The following ZFPM2 variants were observed in gnomAD, a reference collection of about 807,000 sequenced individuals.
ZFPM2 encodes zinc finger protein, FOG family member 2.
ZFPM2 carries 20 observed loss-of-function variants against 98.6 expected under a neutral mutation model. The ratio of observed to expected loss-of-function variants is 0.20; its 90% CI spans 0.14 to 0.29. ZFPM2 has a LOEUF of 0.29. ZFPM2 is among the 10% of genes least tolerant of loss of function. The pLI is 1.00. For missense variants in ZFPM2, 1,310 were observed against 1,388.6 expected, an observed-to-expected ratio of 0.94 and a Z score of 0.90; for synonymous variants, 518 against 502.7, an observed-to-expected ratio of 1.03 and a Z score of -0.41.
At chr8:105,392,233 A>C (rs1811123474) in intron 1 of ZFPM2, among the ~76,000 whole-genome samples, 1 of 152,218 alleles carries the variant, frequency 6.6e-6, no homozygotes, top group Admixed American at 6.5e-5. Flanking sequence ...CTTTGAAGTT[A>C]ACCCAATCTT....
chr8:105,325,761 C>T (rs1487071756), intron 1 of ZFPM2, among the ~76,000 whole-genome samples: 3 of 151,428 alleles, frequency 2.0e-5, no homozygotes, highest in Admixed American at 6.6e-5. Flanking sequence ...GGTGTCATAC[C>T]GTTACTGTCA....
chr8:105,715,754 T>G (rs1288099116), intron 5 of ZFPM2, among the ~76,000 whole-genome samples: 1 of 151,972 alleles, frequency 6.6e-6, no homozygotes, highest in Non-Finnish European at 1.5e-5. Context: ...GTTTTCATAT[T>G]TTATAAATAG....
chr8:105,687,719 G>A (rs1266077474), intron 5 of ZFPM2, among the ~76,000 whole-genome samples: 1 of 151,994 alleles, frequency 6.6e-6, no homozygotes, highest in East Asian at 1.9e-4. Context: ...TAAAACAGGA[G>A]CATCAAAAAA....
intron 5 of ZFPM2, among the ~76,000 whole-genome samples, chr8:105,667,000 T>C (rs923055775): frequency 1.3e-5 from 2 of 152,222 alleles, no homozygotes; most frequent in Admixed American, 6.5e-5. Context: ...CACTTGTATA[T>C]CTGCCTGAGT....
In ZFPM2 at chr8:105,634,353, C is replaced by G; in HGVS notation, c.528C>G (p.Ser176Arg). Residue 176 changes from serine to arginine, a missense_variant, in exon 5 of 8, where the codon AGC becomes AGG. Ser to Arg is a moderately radical substitution (Grantham distance 110). Transcript: ENST00000407775. ...ACAAAAACAACTGCATTGTGTACAGCAAAGGTAAATGCAAGATTGTTTCCC... is the reference window on the plus strand; with the variant it reads ...ACAAAAACAACTGCATTGTGTACAGGAAAGGTAAATGCAAGATTGTTTCCC... ...EDNKNNCIVY[S>R]KGGQLWCTTT... 6.2e-7 allele frequency: 1 copy of G among 1,609,506 alleles called. No individual in the cohort carries two copies.
At chr8:105,568,849 G>A (rs1285120862) in intron 4 of ZFPM2, among the ~76,000 whole-genome samples, 1 of 151,988 alleles carries the variant, frequency 6.6e-6, no homozygotes, top group Non-Finnish European at 1.5e-5. Flanking sequence ...CACCTCCCCA[G>A]TTCTGACCCC....
At position 105,670,200 on chromosome 8, in the gene ZFPM2, T is replaced by C. The variant is rs535103891; in HGVS notation, c.532+35843T>C. On this transcript the variant is annotated intron_variant, in intron 5 of 7. Coordinates refer to ENST00000407775, the MANE Select transcript of ZFPM2 (RefSeq NM_012082.4). ...AACATCCATGGACCCACCACTCAGA[T>C]TAAGAGCTGAAACTGGCCAGGCACA... Among the ~76,000 whole-genome samples, 269 of 152,180 alleles carry C rather than the reference T, an allele frequency of 1.8e-3. 2 individuals carry two copies. The highest frequency in any genetic ancestry group is 6.8e-3 in the Middle Eastern group (2 of 294).
intron 3 of ZFPM2, among the ~76,000 whole-genome samples, chr8:105,462,896 G>A (rs2130309384): frequency 6.6e-6 from 1 of 152,016 alleles, no homozygotes; most frequent in South Asian, 2.1e-4. Context: ...CTTGATGAGA[G>A]TAAAATGATA....
intron 3 of ZFPM2, among the ~76,000 whole-genome samples, chr8:105,475,982 T>G: frequency 6.6e-6 from 1 of 152,254 alleles, no homozygotes; most frequent in East Asian, 1.9e-4. Flanking sequence ...GTCAGAATTT[T>G]ACGGACTAGC....
intron 5 of ZFPM2, among the ~76,000 whole-genome samples, chr8:105,752,607 C>T (rs981666101): frequency 2.0e-5 from 3 of 152,060 alleles, no homozygotes; most frequent in African/African-American, 4.8e-5. Flanking sequence ...TTATCATAAT[C>T]GTATAGAATA....
At chr8:105,327,000 T>G (rs1200633879) in intron 1 of ZFPM2, among the ~76,000 whole-genome samples, 3 of 151,510 alleles carry the variant, frequency 2.0e-5, no homozygotes, top group Admixed American at 6.6e-5. Flanking sequence ...ATTTAAAAAT[T>G]ATTTTTAAAT....
rs570613510 is a variant in ZFPM2 at position 105,653,490 on chromosome 8, A to G, written c.532+19133A>G. Among the ~76,000 whole-genome samples the G allele has an allele frequency of 7.6e-4, 116 of 152,342 alleles. 2 individuals are homozygous for G. The highest frequency in any genetic ancestry group is 7.5e-3 in the Admixed American group (115 of 15,300). On this transcript the variant is annotated intron_variant, in intron 5 of 7. Transcript: ENST00000407775. ...TGACTAATGTCTTACTACTTAACACATAATGTGCCAAGCAGCAATATAACA... is the reference window on the plus strand; with the variant it reads ...TGACTAATGTCTTACTACTTAACACGTAATGTGCCAAGCAGCAATATAACA...
At chr8:105,555,940 T>C (rs1814979351) in intron 3 of ZFPM2, among the ~76,000 whole-genome samples, 1 of 152,098 alleles carries the variant, frequency 6.6e-6, no homozygotes, top group Admixed American at 6.6e-5. Flanking sequence ...CTTTTTTGAC[T>C]GGAGGGAAGA....
At chr8:105,764,027 T>G (rs1307180750) in intron 5 of ZFPM2, among the ~76,000 whole-genome samples, 1 of 151,764 alleles carries the variant, frequency 6.6e-6, no homozygotes, top group Admixed American at 6.6e-5. Context: ...AATGGGAGCA[T>G]ACTACAACTT....
intron 3 of ZFPM2, among the ~76,000 whole-genome samples, chr8:105,488,437 A>G (rs1398378769): frequency 6.6e-6 from 1 of 152,092 alleles, no homozygotes; most frequent in Non-Finnish European, 1.5e-5. Context: ...CATTATTTCC[A>G]TTTTGCAGAA....
chr8:105,705,153 TATA>T lies in ZFPM2; in HGVS notation c.532+70797_532+70799del, dbSNP rs1811226760. Among the ~76,000 whole-genome samples the T allele has an allele frequency of 2.8e-5, 2 of 70,510 alleles. 1 individual carries two copies. The highest frequency in any genetic ancestry group is 1.1e-3 in the South Asian group (2 of 1,866). The allele number at this position is 70,510 out of a possible 152,430, so 46.3% of individuals were successfully genotyped here. ...CCTCTTTATGTGTTTTCTGAATTGA[TATA>T]TATATATATATGTATTCTGATTCTA... On this transcript the variant is annotated intron_variant, in intron 5 of 7. Transcript: ENST00000407775.
At chr8:105,500,927 T>C (rs1196925646) in intron 3 of ZFPM2, among the ~76,000 whole-genome samples, 1 of 152,122 alleles carries the variant, frequency 6.6e-6, no homozygotes, top group Non-Finnish European at 1.5e-5. Flanking sequence ...AGAAGAAAGA[T>C]TTAGTCAAAA....
At chr8:105,470,301 T>A (rs145122644) in intron 3 of ZFPM2, among the ~76,000 whole-genome samples, 1 of 152,190 alleles carries the variant, frequency 6.6e-6, no homozygotes, top group Non-Finnish European at 1.5e-5. Context: ...GCTGTTTAGC[T>A]AGGTGACCTT....
At chr8:105,750,419 G>T (rs1013912311) in intron 5 of ZFPM2, among the ~76,000 whole-genome samples, 2 of 151,728 alleles carry the variant, frequency 1.3e-5, no homozygotes, top group African/African-American at 2.4e-5. Flanking sequence ...GCTACTAAAG[G>T]GTTTTTAAAA....
Sources: gnomAD v4.1 joint callset for allele counts (sites outside exome capture counted in the v4.1 genomes callset) on GRCh38, gnomAD v4.1.1 for gene constraint, MANE v1.5 for transcripts, NCBI Gene and HGNC (gene_info 2026-07-23, HGNC 2026-07-21) for gene names.